The following KRT36 variants were observed in gnomAD, a reference collection of about 807,000 sequenced individuals.
KRT36 encodes the protein keratin 36, also known as keratin, type I cuticular Ha6.
Under a neutral mutation model 43.0 loss-of-function variants are expected in KRT36, and 41 were observed. That is an observed-to-expected ratio of 0.95 (90% CI 0.74 to 1.24). The LOEUF (loss-of-function observed/expected upper bound fraction) is 1.24. Among genes scored for constraint, KRT36 ranks in the 50% most tolerant of loss-of-function variants. The pLI is 0.00. For synonymous variants in KRT36, 277 were observed against 252.9 expected, an observed-to-expected ratio of 1.10 and a Z score of -0.90; for missense variants, 627 against 595.3, an observed-to-expected ratio of 1.05 and a Z score of -0.55.
chr17:41,488,771 TG>T (rs770358695), intron 1 of KRT36, 47 bp from the exon 2 acceptor site: 23 of 1,505,208 alleles, frequency 1.5e-5, no homozygotes, highest in Non-Finnish European at 1.1e-5. Context: ...CCCAGCAGTG[TG>T]GGGGCAGGTA....
intron 1 of KRT36, 24 bp downstream of exon 1, chr17:41,489,382 G>A (rs1795082769): frequency 1.2e-6 from 2 of 1,606,896 alleles, no homozygotes; most frequent in Non-Finnish European, 1.7e-6. Flanking sequence ...CTGCTCAGCT[G>A]GAAAGGGGCC....
intron 2 of KRT36, 109 bp from the exon 3 acceptor site, chr17:41,488,508 C>T: frequency 4.0e-6 from 6 of 1,510,614 alleles, no homozygotes; most frequent in Non-Finnish European, 4.6e-6. Flanking sequence ...GAGCATGACA[C>T]TCCTTTCCCC....
intron 2 of KRT36, 65 bp from the exon 3 acceptor site, chr17:41,488,464 C>T (rs1904468842): frequency 1.3e-6 from 2 of 1,585,202 alleles, no homozygotes; most frequent in Non-Finnish European, 8.6e-7. Context: ...GGACCCCTGC[C>T]CTACTGTCCA....
rs781702752 is a variant in KRT36, at chr17:41,487,498, A to G, written c.862-22T>C. ...CAGTCTGAAACACATGCCAGGGCCC[A>G]GAGCATGGTCAAACCAAGCTACTTC... On this transcript the variant is annotated intron_variant, in intron 4 of 6. Coordinates refer to ENST00000328119, the MANE Select transcript of KRT36 (RefSeq NM_003771.5). The G allele has an allele frequency of 3.7e-6, 6 of 1,613,896 alleles. No individual in the cohort carries two copies. In the Admixed American group the frequency reaches 8.3e-5, roughly 22 times the overall value.
rs866013543 is a variant in KRT36, at chr17:41,489,791, A to G, written c.74T>C (p.Ile25Thr). The G allele has an allele frequency of 6.2e-7, 1 of 1,613,778 alleles. No homozygotes were observed. Among genetic ancestry groups the G allele is most frequent in the African/African-American group, 1.3e-5 (1 of 75,004 alleles). Reference sequence around the variant, plus strand: ...AGAACGGATGGAGGACACCCGAGAGATGCCGCCTGCTGTGCCACAGAGGCC... The same window carrying G: ...AGAACGGATGGAGGACACCCGAGAGGTGCCGCCTGCTGTGCCACAGAGGCC... Reference protein sequence around the residue: ...IKGLCGTAGGISRVSSIRSVG... With the variant: ...IKGLCGTAGGTSRVSSIRSVG... Residue 25 changes from isoleucine to threonine, a missense_variant, in exon 1 of 7, where the codon ATC (isoleucine) becomes ACC (threonine). Ile to Thr is a moderately conservative substitution (Grantham distance 89, BLOSUM62 -1). Coordinates refer to ENST00000328119, the MANE Select transcript of KRT36 (RefSeq NM_003771.5).
In KRT36 at chr17:41,487,137, C is replaced by G. The variant is rs765279958; in HGVS notation, c.1021G>C (p.Glu341Gln). Reference protein sequence around the residue: ...NSLESTLAETEARYSSQLAQM... With the variant: ...NSLESTLAETQARYSSQLAQM... The stretch of plus-strand genomic sequence containing the variant: ...GCCAGCTGGGAGCTGTAGCGGGCCT[C>G]GGTTTCGGCCAGGGTGGATTCCAAG... Residue 341 changes from glutamate (E) to glutamine (Q), a missense_variant, in exon 6 of 7, where the codon GAG (glutamate) becomes CAG (glutamine). By Grantham distance (29) the Glu-to-Gln change is conservative. Coordinates refer to ENST00000328119, the MANE Select transcript of KRT36 (RefSeq NM_003771.5). 6.2e-7 allele frequency: 1 copy of G among 1,613,820 alleles called. No individual in the cohort carries two copies. Among genetic ancestry groups the G allele is most frequent in the Non-Finnish European group, 8.5e-7 (1 of 1,179,834 alleles).
At position 41,488,271 on chromosome 17, in the gene KRT36, A is replaced by G. The variant is rs1904460960; in HGVS notation, c.671T>C (p.Leu224Pro). 6.2e-7 allele frequency: 1 copy of G among 1,613,966 alleles called. No homozygotes were observed. Among genetic ancestry groups the G allele is most frequent in the African/African-American group, 1.3e-5 (1 of 74,906 alleles). Residue 224 changes from leucine to proline, a missense_variant, in exon 3 of 7, where the codon CTG (leucine) becomes CCG (proline). Leu to Pro is a moderately conservative substitution (Grantham distance 98). Coordinates refer to ENST00000328119, the MANE Select transcript of KRT36 (RefSeq NM_003771.5). The stretch of plus-strand genomic sequence containing the variant: ...CTCGTGATTCTTCTTGAGGCACATC[A>G]GCTCCTCCTTCAGGGACTCCACCTG... ...EAQVESLKEE[L>P]MCLKKNHEEE...
rs780794884 is a variant in KRT36 at position 41,486,473 on chromosome 17, G to C, written c.1307C>G (p.Ala436Gly). 2 of 1,613,850 alleles carry C rather than the reference G, an allele frequency of 1.2e-6. No individual in the cohort carries two copies. ...PCVPSVPCTP[A>G]PQVGTQIRTI... ...GCGGATCTGAGTGCCAACCTGGGGAGCCGGGGTGCAGGGCACAGAGGGGAC... is the reference window on the plus strand; with the variant it reads ...GCGGATCTGAGTGCCAACCTGGGGACCCGGGGTGCAGGGCACAGAGGGGAC... Residue 436 changes from alanine (A) to glycine (G), a missense_variant, in exon 7 of 7, where the codon GCT (alanine) becomes GGT (glycine). Transcript: ENST00000328119.
At chr17:41,488,498 G>T in intron 2 of KRT36, 99 bp from the exon 3 acceptor site, 1 of 1,530,622 alleles carries the variant, frequency 6.5e-7, no homozygotes, top group Non-Finnish European at 9.0e-7. Flanking sequence ...ACGGGATCAG[G>T]AGCATGACAC....
In KRT36 at chr17:41,486,987, C is replaced by A; in HGVS notation, c.1171G>T (p.Ala391Ser). ...CCCTCCAGCAGGTGGCGGTAGGTAG[C>A]GATCTCGCCCTCCAGCCGGGCCTTG... The part of the protein sequence containing the change: ...DVKARLEGEI[A>S]TYRHLLEGED... The change falls in exon 6 of 7, where the codon GCT becomes TCT. Residue 391 changes from alanine (A) to serine (S), a missense_variant. Ala to Ser is a moderately conservative substitution (Grantham distance 99). Coordinates refer to ENST00000328119, the MANE Select transcript of KRT36 (RefSeq NM_003771.5). The A allele has an allele frequency of 6.2e-7, 1 of 1,613,668 alleles. No individual in the cohort carries two copies. The highest frequency in any genetic ancestry group is 8.5e-7 in the Non-Finnish European group (1 of 1,179,982).
rs1361033147 is a variant in KRT36 at position 41,488,257 on chromosome 17, T to C, written c.685A>G (p.Lys229Glu). 17 of 1,613,946 alleles carry C rather than the reference T, an allele frequency of 1.1e-5. No homozygotes were observed. Among genetic ancestry groups the C allele is most frequent in the Non-Finnish European group, 1.4e-5 (17 of 1,179,896 alleles). The change falls in exon 3 of 7, where the codon AAG becomes GAG. Residue 229 changes from lysine to glutamate, a missense_variant. Transcript: ENST00000328119. ...ACCAGCCTCACCTCCTCGTGATTCT[T>C]CTTGAGGCACATCAGCTCCTCCTTC... ...SLKEELMCLK[K>E]NHEEEVSVLR... is the part of the protein sequence containing the mutation.
chr17:41,487,032 A>C lies in KRT36; in HGVS notation c.1126T>G (p.Tyr376Asp). Reference protein sequence around the residue: ...RCDLERQNQEYQVLLDVKARL... With the variant: ...RCDLERQNQEDQVLLDVKARL... ...GCCTTGACGTCCAGTAACACCTGGT[A>C]CTCCTGGTTCTGCCGCTCCAGGTCG... is the stretch of plus-strand genomic sequence containing the variant. Residue 376 changes from tyrosine to aspartate, a missense_variant, in exon 6 of 7, where the codon TAC becomes GAC. Coordinates refer to ENST00000328119, the MANE Select transcript of KRT36 (RefSeq NM_003771.5). 6.2e-7 allele frequency: 1 copy of C among 1,613,978 alleles called. No individual in the cohort carries two copies. The highest frequency in any genetic ancestry group is 8.5e-7 in the Non-Finnish European group (1 of 1,179,982).
In KRT36 at chr17:41,489,424, G is replaced by A. The variant is rs117481918; in HGVS notation, c.441C>T (p.Ile147=). ...CCCTCACCTTCTGCTGGAAATCTTC[G>A]ATGGTCTTGAAGTAGGACTGGTAGT... is the stretch of plus-strand genomic sequence containing the variant. ...CPDYQSYFKT[I]EDFQQKILLT... The change falls in exon 1 of 7, where the codon ATC becomes ATT. Residue 147 remains isoleucine (I), a synonymous_variant. Transcript: ENST00000328119. The A allele has an allele frequency of 0.014, 22,240 of 1,613,280 alleles. 181 individuals carry two copies. The highest frequency in any genetic ancestry group is 0.018 in the South Asian group (1,669 of 91,078).
At chr17:41,488,799 C>G in intron 1 of KRT36, 75 bp from the exon 2 acceptor site, 1 of 1,222,232 alleles carries the variant, frequency 8.2e-7, no homozygotes, top group Non-Finnish European at 1.2e-6. Flanking sequence ...TAGCTCAGCT[C>G]ACAGAGGCCA....
At chr17:41,486,784 T>C (rs1904394221) in intron 6 of KRT36, among the ~76,000 whole-genome samples, 166 bp downstream of exon 6, 1 of 152,116 alleles carries the variant, frequency 6.6e-6, no homozygotes, top group Non-Finnish European at 1.5e-5. Flanking sequence ...GTGTGTTGGG[T>C]TGGATTCTCC....
chr17:41,489,388 G>A lies in KRT36; in HGVS notation c.459+18C>T. ...AGAGTTGGGCTGCTCAGCTGGAAAG[G>A]GGCCAGGTCTCCCTCACCTTCTGCT... On this transcript the variant is annotated intron_variant, in intron 1 of 6. Coordinates refer to ENST00000328119, the MANE Select transcript of KRT36 (RefSeq NM_003771.5). The A allele has an allele frequency of 6.2e-7, 1 of 1,608,904 alleles. No individual in the cohort carries two copies. Among genetic ancestry groups the A allele is most frequent in the Non-Finnish European group, 8.5e-7 (1 of 1,176,092 alleles).
chr17:41,487,120 G>A lies in KRT36; in HGVS notation c.1038C>T (p.Ser346=). ...TLAETEARYS[S]QLAQMQCLIS... is the part of the protein sequence containing the mutation. The stretch of plus-strand genomic sequence containing the variant: ...TCAGGCACTGCATCTGGGCCAGCTG[G>A]GAGCTGTAGCGGGCCTCGGTTTCGG... Residue 346 remains serine (S), a synonymous_variant, in exon 6 of 7, where the codon TCC becomes TCT. Coordinates refer to ENST00000328119, the MANE Select transcript of KRT36 (RefSeq NM_003771.5). The A allele has an allele frequency of 1.2e-6, 2 of 1,614,180 alleles. No homozygotes were observed. Among genetic ancestry groups the A allele is most frequent in the Non-Finnish European group, 1.7e-6 (2 of 1,179,990 alleles).
Position 41,486,452 on chromosome 17 carries a change from A to C in KRT36, c.1328T>G (p.Ile443Ser). 1 of 1,614,050 alleles carries C rather than the reference A, an allele frequency of 6.2e-7. No individual in the cohort carries two copies. The highest frequency in any genetic ancestry group is 2.2e-5 in the East Asian group (1 of 44,864). ...CTPAPQVGTQ[I>S]RTITEEIRDG... ...TCTGATCTCCTCGGTGATGGTGCGG[A>C]TCTGAGTGCCAACCTGGGGAGCCGG... Residue 443 changes from isoleucine (I) to serine (S), a missense_variant, in exon 7 of 7, where the codon ATC (isoleucine) becomes AGC (serine). By Grantham distance (142) the Ile-to-Ser change is moderately radical. Coordinates refer to ENST00000328119, the MANE Select transcript of KRT36 (RefSeq NM_003771.5).
chr17:41,489,609 C>T lies in KRT36; in HGVS notation c.256G>A (p.Glu86Lys), dbSNP rs753517163. Residue 86 changes from glutamate to lysine, a missense_variant, in exon 1 of 7, where the codon GAG becomes AAG. Physicochemically the swap from Glu to Lys is moderately conservative, Grantham distance 56. Coordinates refer to ENST00000328119, the MANE Select transcript of KRT36 (RefSeq NM_003771.5). ...TTCTCGCTGCCGTTGAAGGAGCCCT[C>T]GCAGAACCAGCCCCCGCTCCCCACA... is the stretch of plus-strand genomic sequence containing the variant. Reference protein sequence around the residue: ...GFVGSGGWFCEGSFNGSEKET... With the variant: ...GFVGSGGWFCKGSFNGSEKET... 17 of 1,614,176 alleles carry T rather than the reference C, an allele frequency of 1.1e-5. No individual in the cohort carries two copies. The highest frequency in any genetic ancestry group is 5.0e-5 in the Admixed American group (3 of 60,024).
Sources: allele counts gnomAD v4.1 joint callset (sites outside exome capture counted in the v4.1 genomes callset), GRCh38; gene constraint gnomAD v4.1.1; transcripts MANE v1.5; gene names NCBI Gene and HGNC (gene_info 2026-07-23, HGNC 2026-07-21).